VAX1: variants seen among roughly 807,000 people sequenced by gnomAD.
The protein encoded by VAX1 is ventral anterior homeobox 1.
VAX1 carries 6 observed loss-of-function variants against 17.6 expected under a neutral mutation model. The observed-to-expected ratio is 0.34, with a 90% CI of 0.19 to 0.67. The LOEUF is 0.67. Ranked by LOEUF, VAX1 falls within the 30% of genes least tolerant of loss-of-function variation. The pLI is 0.69. For synonymous variants in VAX1, 256 were observed against 227.4 expected (o/e 1.13, Z -1.13); for missense variants, 408 against 463.7 (o/e 0.88, Z 1.10).
downstream of VAX1, chr10:117,132,365 C>T (rs1854099247): frequency 1.2e-6 from 2 of 1,610,444 alleles, no homozygotes; most frequent in East Asian, 2.2e-5. The surrounding 1 kb of genome is among the most constrained non-coding windows in gnomAD (Gnocchi z 4.9). Context: ...TTCACTCTCA[C>T]CACATAAATA....
rs1345931939 is a variant in VAX1 at position 117,134,926 on chromosome 10, T to C, written c.430-343A>G. Reference sequence around the variant, plus strand: ...CTTCCGCGCTACCCCGCAGCGGTGTTTGGGGCTCACAGATGTGTGAATCAG... The same window carrying C: ...CTTCCGCGCTACCCCGCAGCGGTGTCTGGGGCTCACAGATGTGTGAATCAG... On this transcript the variant is annotated intron_variant, in intron 2 of 2. Transcript: ENST00000369206. The surrounding 1 kb of genome is among the most constrained non-coding windows in gnomAD (Gnocchi z 6.2). Among the ~76,000 whole-genome samples the C allele has an allele frequency of 6.6e-6, 1 of 152,180 alleles. No homozygotes were observed. Among genetic ancestry groups the C allele is most frequent in the Non-Finnish European group, 1.5e-5 (1 of 68,038 alleles).
Position 117,133,569 on chromosome 10 carries a change from G to T in VAX1, c.*439C>A. On this transcript the variant is annotated 3_prime_UTR_variant, in exon 3 of 3. Transcript: ENST00000369206. Reference sequence around the variant, plus strand: ...TTTTTTGGTCTAAAGAAACCTGGAAGCCCCTGGGGTCTGCGCGCAGTTTTC... The same window carrying T: ...TTTTTTGGTCTAAAGAAACCTGGAATCCCCTGGGGTCTGCGCGCAGTTTTC... 1 of 986,114 alleles carries T rather than the reference G, an allele frequency of 1.0e-6. No individual in the cohort carries two copies. The highest frequency in any genetic ancestry group is 4.7e-5 in the South Asian group (1 of 21,314). The allele number at this position is 986,114 out of a possible 1,614,324, so 61.1% of individuals were successfully genotyped here. A position where few individuals can be genotyped will look rare whatever the true frequency, so the allele number is the denominator to read the frequency against.
chr10:117,135,308 T>C (rs1242020535), intron 2 of VAX1, among the ~76,000 whole-genome samples: 1 of 152,232 alleles, frequency 6.6e-6, no homozygotes, highest in Non-Finnish European at 1.5e-5. Flanking sequence ...ACTCTTAGTT[T>C]ATCTCTCCAC....
At position 117,137,940 on chromosome 10, in the gene VAX1, G is replaced by A; in HGVS notation, c.117C>T (p.Leu39=). 1 of 1,613,882 alleles carries A rather than the reference G, an allele frequency of 6.2e-7. No individual in the cohort carries two copies. Among genetic ancestry groups the A allele is most frequent in the East Asian group, 2.2e-5 (1 of 44,852 alleles). The change falls in exon 1 of 3, where the codon CTC becomes CTT. Residue 39 remains leucine, a synonymous_variant. Transcript: ENST00000369206. The surrounding 1 kb of genome is among the most constrained non-coding windows in gnomAD (Gnocchi z 7.4). ...SRESKGAEGN[L]PAAFLKEPQG... is the part of the protein sequence containing the mutation. ...GCGGCTCCTTGAGGAAGGCGGCTGG[G>A]AGGTTCCCCTCCGCGCCCTTGCTCT... is the stretch of plus-strand genomic sequence containing the variant.
Position 117,136,333 on chromosome 10 carries a change from T to A in VAX1, c.429+139A>T. On this transcript the variant is annotated intron_variant, in intron 2 of 2. Coordinates refer to ENST00000369206, the MANE Select transcript of VAX1 (RefSeq NM_001112704.2). The surrounding 1 kb of genome is among the most constrained non-coding windows in gnomAD (Gnocchi z 5.0). ...CTAGGGGAAGGAATCCTTAGGCCTG[T>A]CTTACCCATCCTTCCCATCTCCTCC... The A allele has an allele frequency of 3.0e-6, 3 of 1,008,828 alleles. No individual in the cohort carries two copies. Among genetic ancestry groups the A allele is most frequent in the Non-Finnish European group, 4.3e-6 (3 of 702,706 alleles). The allele number at this position is 1,008,828 out of a possible 1,614,324, so 62.5% of individuals were successfully genotyped here. A position where few individuals can be genotyped will look rare whatever the true frequency, so the allele number is the denominator to read the frequency against.
chr10:117,134,686 C>T lies in VAX1; in HGVS notation c.430-103G>A. 8 of 1,203,120 alleles carry T rather than the reference C, an allele frequency of 6.6e-6. No individual in the cohort carries two copies. The highest frequency in any genetic ancestry group is 8.8e-6 in the Non-Finnish European group (8 of 913,498). The allele number at this position is 1,203,120 out of a possible 1,614,324, so 74.5% of individuals were successfully genotyped here. On this transcript the variant is annotated intron_variant, in intron 2 of 2. Coordinates refer to ENST00000369206, the MANE Select transcript of VAX1 (RefSeq NM_001112704.2). This position sits in a 1 kb window ranked among gnomAD's most constrained non-coding sequence, Gnocchi z 6.2. ...CGCGGCTCCGGGGCTCTCCCCAAGT[C>T]CCAGCCCTATCCGCAGCCCCACCCA...
chr10:117,130,420 T>C (rs936353149), downstream of VAX1: 2 of 152,364 alleles, frequency 1.3e-5, no homozygotes, highest in Non-Finnish European at 2.9e-5. Context: ...AGGGCTTTGC[T>C]AAGAGGTTTT....
downstream of VAX1, chr10:117,132,302 C>T (rs755156232): frequency 9.3e-6 from 15 of 1,613,412 alleles, no homozygotes; most frequent in Non-Finnish European, 1.3e-5. This position sits in a 1 kb window ranked among gnomAD's most constrained non-coding sequence, Gnocchi z 4.9. Context: ...GTTTTTTTAT[C>T]CTTCAAATAT....
rs371683596 is a variant in VAX1 at position 117,136,593 on chromosome 10, G to A, written c.308C>T (p.Thr103Met). The change falls in exon 2 of 3, where the codon ACG becomes ATG. Residue 103 changes from threonine to methionine, a missense_variant. Physicochemically the swap from Thr to Met is moderately conservative, Grantham distance 81. Coordinates refer to ENST00000369206, the MANE Select transcript of VAX1 (RefSeq NM_001112704.2). This position sits in a 1 kb window ranked among gnomAD's most constrained non-coding sequence, Gnocchi z 5.0. The part of the protein sequence containing the change: ...KGLDLDRPKR[T>M]RTSFTAEQLY... ...CTGCTCCGCGGTGAAGGACGTGCGC[G>A]TCCTCTTAGGCCGGTCCAAGTCCAG... The A allele has an allele frequency of 3.4e-5, 55 of 1,613,782 alleles. No homozygotes were observed. Among genetic ancestry groups the A allele is most frequent in the Non-Finnish European group, 4.2e-5 (50 of 1,180,042 alleles).
In VAX1 at chr10:117,137,785, G is replaced by T; in HGVS notation, c.241+31C>A. 2 of 1,610,104 alleles carry T rather than the reference G, an allele frequency of 1.2e-6. No individual in the cohort carries two copies. Among genetic ancestry groups the T allele is most frequent in the South Asian group, 1.1e-5 (1 of 90,896 alleles). On this transcript the variant is annotated intron_variant, in intron 1 of 2. Transcript: ENST00000369206. This position sits in a 1 kb window ranked among gnomAD's most constrained non-coding sequence, Gnocchi z 7.4. Reference sequence around the variant, plus strand: ...CTCCGGCCCCGGAGTCGACCCCAAAGAACGCGCCTGGCAGCCCTGCCCATC... The same window carrying T: ...CTCCGGCCCCGGAGTCGACCCCAAATAACGCGCCTGGCAGCCCTGCCCATC...
At position 117,137,256 on chromosome 10, in the gene VAX1, G is replaced by A. The variant is rs751233; in HGVS notation, c.241+560C>T. Among the ~76,000 whole-genome samples, 29,191 of 152,002 alleles carry A rather than the reference G, an allele frequency of 0.19. 2,962 individuals are homozygous for A. Among genetic ancestry groups the A allele is most frequent in the East Asian group, 0.31 (1,581 of 5,088 alleles). The stretch of plus-strand genomic sequence containing the variant: ...CGCCATCCGAGAGCGGCAGAGCAGA[G>A]CACCAAAGCGGCAACCGCGGCTCCG... On this transcript the variant is annotated intron_variant, in intron 1 of 2. Coordinates refer to ENST00000369206, the MANE Select transcript of VAX1 (RefSeq NM_001112704.2). The surrounding 1 kb of genome is among the most constrained non-coding windows in gnomAD (Gnocchi z 7.4).
downstream of VAX1, chr10:117,132,391 T>C (rs1388419448): frequency 6.2e-6 from 10 of 1,610,332 alleles, no homozygotes; most frequent in African/African-American, 6.7e-5. This position sits in a 1 kb window ranked among gnomAD's most constrained non-coding sequence, Gnocchi z 4.9. Context: ...CATCCAAATA[T>C]CCAAAACATT....
downstream of VAX1, among the ~76,000 whole-genome samples, chr10:117,132,912 C>T (rs1854109967): frequency 6.6e-6 from 1 of 152,138 alleles, no homozygotes; most frequent in Admixed American, 6.5e-5. This position sits in a 1 kb window ranked among gnomAD's most constrained non-coding sequence, Gnocchi z 4.9. Flanking sequence ...TTTGTGAATC[C>T]GGGTGTTTGG....
Position 117,133,676 on chromosome 10 carries a change from G to T in VAX1, c.*332C>A. 9.6e-7 allele frequency: 1 copy of T among 1,046,746 alleles called. No homozygotes were observed. Among genetic ancestry groups the T allele is most frequent in the African/African-American group, 1.7e-5 (1 of 59,178 alleles). 64.8% of individuals were successfully genotyped at this position (1,046,746 alleles called of 1,614,324 possible). A position where few individuals can be genotyped will look rare whatever the true frequency, so the allele number is the denominator to read the frequency against. Reference sequence around the variant, plus strand: ...ATCTAGAGCAAACGTCCTGTGCTTTGGAGTTAGAACCAGTCTTTTCCCTCC... The same window carrying T: ...ATCTAGAGCAAACGTCCTGTGCTTTTGAGTTAGAACCAGTCTTTTCCCTCC... On this transcript the variant is annotated 3_prime_UTR_variant, in exon 3 of 3. Transcript: ENST00000369206.
At position 117,137,580 on chromosome 10, in the gene VAX1, C is replaced by T. The variant is rs1412621299; in HGVS notation, c.241+236G>A. Among the ~76,000 whole-genome samples, 4 of 152,198 alleles carry T rather than the reference C, an allele frequency of 2.6e-5. No homozygotes were observed. Among genetic ancestry groups the T allele is most frequent in the African/African-American group, 9.6e-5 (4 of 41,460 alleles). On this transcript the variant is annotated intron_variant, in intron 1 of 2. Transcript: ENST00000369206. The surrounding 1 kb of genome is among the most constrained non-coding windows in gnomAD (Gnocchi z 7.4). ...CCGCACCCGCGCAGCCCCTCATCTC[C>T]CCCCGCAGCCCGGTCAGCGGGGCCC...
Position 117,134,028 on chromosome 10 carries a change from C to T in VAX1, c.985G>A (p.Glu329Lys). 3 of 1,522,542 alleles carry T rather than the reference C, an allele frequency of 2.0e-6. No individual in the cohort carries two copies. The highest frequency in any genetic ancestry group is 2.6e-6 in the Non-Finnish European group (3 of 1,134,708). 94.3% of individuals were successfully genotyped at this position (1,522,542 alleles called of 1,614,324 possible). Residue 329 changes from glutamate (E) to lysine (K), a missense_variant, in exon 3 of 3, where the codon GAG (glutamate) becomes AAG (lysine). Coordinates refer to ENST00000369206, the MANE Select transcript of VAX1 (RefSeq NM_001112704.2). The surrounding 1 kb of genome is among the most constrained non-coding windows in gnomAD (Gnocchi z 6.2). ...TAAAATCAGTCCAGCGCTTTTTTCT[C>T]GGCCCCTTCTTTATTGTTGGTCCGG... ...YSRTNNKEGAEKKALD is the reference protein window; with the variant it reads ...YSRTNNKEGAKKKALD
At chr10:117,135,948 C>G (rs1398898409) in intron 2 of VAX1, among the ~76,000 whole-genome samples, 3 of 152,262 alleles carry the variant, frequency 2.0e-5, no homozygotes, top group Non-Finnish European at 4.4e-5. Flanking sequence ...GCAGCCTGAT[C>G]TGCACAGGCA....
At position 117,137,735 on chromosome 10, in the gene VAX1, G is replaced by T; in HGVS notation, c.241+81C>A. On this transcript the variant is annotated intron_variant, in intron 1 of 2. Coordinates refer to ENST00000369206, the MANE Select transcript of VAX1 (RefSeq NM_001112704.2). The surrounding 1 kb of genome is among the most constrained non-coding windows in gnomAD (Gnocchi z 7.4). The stretch of plus-strand genomic sequence containing the variant: ...GTCCCAGCCGGCACTCCTTCCCACC[G>T]GCCTGTGTCGGCGGCAGCGCGCAGC... 1 of 1,600,800 alleles carries T rather than the reference G, an allele frequency of 6.2e-7. No individual in the cohort carries two copies. Among genetic ancestry groups the T allele is most frequent in the Non-Finnish European group, 8.5e-7 (1 of 1,179,132 alleles).
At chr10:117,130,170 T>C (rs538831132), downstream of VAX1, 1 of 152,334 alleles carries the variant, frequency 6.6e-6, no homozygotes, top group East Asian at 1.9e-4. Flanking sequence ...GAGCAAGTTA[T>C]TTGCTTCAGT....
Sources: allele counts gnomAD v4.1 joint callset (sites outside exome capture counted in the v4.1 genomes callset), GRCh38; gene constraint gnomAD v4.1.1; non-coding constraint Gnocchi (gnomAD v3.1); transcripts MANE v1.5; gene names NCBI Gene and HGNC (gene_info 2026-07-23, HGNC 2026-07-21).